The following MCF2L2 variants were observed in gnomAD, a reference collection of about 807,000 sequenced individuals.
The protein encoded by MCF2L2 is MCF.2 cell line derived transforming sequence-like 2, also known as probable guanine nucleotide exchange factor MCF2L2.
Under a neutral mutation model 150.2 loss-of-function variants are expected in MCF2L2, and 102 were observed. The observed-to-expected ratio is 0.68, with a 90% CI of 0.58 to 0.80. The LOEUF is 0.80. Among genes scored for constraint, MCF2L2 ranks in the 30% least tolerant of loss-of-function variants. MCF2L2 has a pLI of 0.00. For synonymous variants in MCF2L2, 465 were observed against 491.3 expected, an observed-to-expected ratio of 0.95 and a Z score of 0.71; for missense variants, 1,256 against 1,372.8, an observed-to-expected ratio of 0.91 and a Z score of 1.34.
intron 27 of MCF2L2, 46 bp downstream of exon 27, chr3:183,192,953 C>T (rs1721949132): frequency 7.0e-7 from 1 of 1,419,294 alleles, no homozygotes. Flanking sequence ...CAGCTGGCAT[C>T]ACCCCACTGC....
intron 3 of MCF2L2, among the ~76,000 whole-genome samples, chr3:183,360,886 T>C (rs1207140682): frequency 1.3e-5 from 2 of 150,674 alleles, no homozygotes; most frequent in East Asian, 3.9e-4. Context: ...GGAGAATCGT[T>C]TGAATCCGGG....
At chr3:183,272,837 TAA>T in intron 15 of MCF2L2, 1 of 1,240,160 alleles carries the variant, frequency 8.1e-7, no homozygotes, top group Non-Finnish European at 1.0e-6. Context: ...GTTGAAAACA[TAA>T]GTGTCTCTGG....
At chr3:183,273,182 T>A (rs954104292) in intron 15 of MCF2L2, 22 of 494,262 alleles carry the variant, frequency 4.5e-5, no homozygotes, top group Non-Finnish European at 7.6e-5. Flanking sequence ...TCAGCTTGGA[T>A]GGTCACTTGA....
At chr3:183,205,281 G>A (rs1722433276) in intron 25 of MCF2L2, among the ~76,000 whole-genome samples, 1 of 152,146 alleles carries the variant, frequency 6.6e-6, no homozygotes, top group African/African-American at 2.4e-5. Context: ...GGAGGCTGAG[G>A]CAGGAGAATC....
At chr3:183,321,376 TTCA>T (rs1729802980) in intron 6 of MCF2L2, among the ~76,000 whole-genome samples, 1 of 150,802 alleles carries the variant, frequency 6.6e-6, no homozygotes, top group Admixed American at 6.6e-5. Flanking sequence ...AGGCTGAGGT[TTCA>T]GTGAGCTGAG....
chr3:183,392,991 TGATCAGGGCAA>T (rs1714245747), intron 1 of MCF2L2, among the ~76,000 whole-genome samples: 3 of 152,052 alleles, frequency 2.0e-5, no homozygotes, highest in African/African-American at 7.2e-5. Context: ...TCTAGATAGG[TGATCAGGGCAA>T]GTACACTCTG....
intron 15 of MCF2L2, chr3:183,271,612 TTA>T (rs1180629990): frequency 3.0e-5 from 5 of 167,036 alleles, no homozygotes; most frequent in Non-Finnish European, 7.3e-5. Flanking sequence ...CCCTAATACT[TTA>T]TATGTTTTTA....
At chr3:183,351,856 T>G (rs998449221) in intron 3 of MCF2L2, among the ~76,000 whole-genome samples, 3 of 152,200 alleles carry the variant, frequency 2.0e-5, no homozygotes, top group African/African-American at 7.2e-5. Context: ...TTTTGGCACC[T>G]TCATCTGCAA....
intron 14 of MCF2L2, among the ~76,000 whole-genome samples, chr3:183,285,720 A>C (rs7622426): frequency 0.025 from 3,741 of 151,828 alleles, 160 homozygotes; most frequent in African/African-American, 0.083. Flanking sequence ...TTGTTACTTT[A>C]TTTTTTCTTT....
Position 183,318,119 on chromosome 3 carries a change from T to C in MCF2L2, c.702A>G (p.Leu234=), listed in dbSNP as rs371946825. 31 of 1,614,074 alleles carry C rather than the reference T, an allele frequency of 1.9e-5. No individual in the cohort carries two copies. The highest frequency in any genetic ancestry group is 1.6e-4 in the Middle Eastern group (1 of 6,084). The part of the protein sequence containing the change: ...LATAELPRSM[L]STEDLLMSHT... The stretch of plus-strand genomic sequence containing the variant: ...GGGACATGAGAAGGTCTTCCGTGGA[T>C]AGCATGCTTCTGGGCAGCTCTGCTG... Residue 234 remains leucine, a synonymous_variant, in exon 7 of 30, where the codon CTA becomes CTG. Transcript: ENST00000328913.
intron 1 of MCF2L2, among the ~76,000 whole-genome samples, chr3:183,391,550 G>C (rs1714152905): frequency 6.6e-6 from 1 of 152,178 alleles, no homozygotes; most frequent in Non-Finnish European, 1.5e-5. Flanking sequence ...GAAATGATAT[G>C]AAGTCTGAGA....
intron 3 of MCF2L2, chr3:183,377,740 CAG>C (rs1175316705): frequency 1.3e-5 from 2 of 152,146 alleles, no homozygotes; most frequent in Admixed American, 1.3e-4. Flanking sequence ...GAGATGAGGT[CAG>C]AGTTGAGGGT....
intron 14 of MCF2L2, among the ~76,000 whole-genome samples, chr3:183,284,997 A>G (rs1727709541): frequency 6.6e-6 from 1 of 152,232 alleles, no homozygotes; most frequent in Non-Finnish European, 1.5e-5. Context: ...GTTGAGAATC[A>G]GAAATATTAA....
chr3:183,286,064 A>T (rs904043006), intron 14 of MCF2L2, among the ~76,000 whole-genome samples: 2 of 152,186 alleles, frequency 1.3e-5, no homozygotes, highest in Non-Finnish European at 2.9e-5. Context: ...CCCTTGCCAG[A>T]TGGCCCCGGA....
intron 5 of MCF2L2, among the ~76,000 whole-genome samples, chr3:183,328,481 CCT>C (rs1348643802): frequency 6.6e-6 from 1 of 151,318 alleles, no homozygotes; most frequent in Non-Finnish European, 1.5e-5. Context: ...TTGTAGAGCC[CCT>C]GATTGGTGTC....
At chr3:183,336,078 A>T (rs1730465805) in intron 5 of MCF2L2, among the ~76,000 whole-genome samples, 1 of 152,204 alleles carries the variant, frequency 6.6e-6, no homozygotes, top group South Asian at 2.1e-4. Context: ...TGTGACAAAT[A>T]AATTTCTGTT....
chr3:183,379,515 T>C (rs1277192629), intron 2 of MCF2L2, 104 bp from the exon 3 acceptor site: 13 of 726,348 alleles, frequency 1.8e-5, no homozygotes, highest in Non-Finnish European at 2.8e-5. Context: ...TTCCTACCTA[T>C]ATTATCTCAG....
intron 3 of MCF2L2, chr3:183,378,349 ACCCCGCTCTG>A (rs1268740348): frequency 3.3e-5 from 5 of 151,998 alleles, no homozygotes; most frequent in African/African-American, 1.2e-4. Context: ...GGGGGTTTAG[ACCCCGCTCTG>A]CCCCGGTCTG....
In MCF2L2 at chr3:183,348,505, T is replaced by C. The variant is rs539123621; in HGVS notation, c.276-6875A>G. Among the ~76,000 whole-genome samples the C allele has an allele frequency of 7.2e-5, 11 of 152,164 alleles. 1 individual carries two copies. The South Asian group carries it at 1.9e-3, about 26-fold the overall frequency. On this transcript the variant is annotated intron_variant, in intron 3 of 29. Transcript: ENST00000328913. ...GGGTGCAGCAAACCACCATGGCACA[T>C]GTATACCTATGGAACAAACCCGCTC... is the stretch of plus-strand genomic sequence containing the variant.
Sources: gnomAD v4.1 joint callset for allele counts (sites outside exome capture counted in the v4.1 genomes callset) on GRCh38, gnomAD v4.1.1 for gene constraint, MANE v1.5 for transcripts, NCBI Gene and HGNC (gene_info 2026-07-23, HGNC 2026-07-21) for gene names.